The following LAMA3 variants were observed in gnomAD, a reference collection of about 807,000 sequenced individuals.
The protein encoded by LAMA3 is laminin subunit alpha-3.
Under a neutral mutation model 402.0 loss-of-function variants are expected in LAMA3, and 281 were observed. The ratio of observed to expected loss-of-function variants is 0.70; its 90% confidence interval spans 0.63 to 0.77. The LOEUF (loss-of-function observed/expected upper bound fraction) is 0.77. LAMA3 is among the 30% of genes least tolerant of loss of function. The pLI is 0.00. For synonymous variants in LAMA3, 1,431 were observed against 1,558.4 expected, an observed-to-expected ratio of 0.92 and a Z score of 1.93; for missense variants, 3,840 against 4,215.5, an observed-to-expected ratio of 0.91 and a Z score of 2.47.
At chr18:23,770,130 C>A (rs1465158285) in intron 8 of LAMA3, among the ~76,000 whole-genome samples, 2 of 152,078 alleles carry the variant, frequency 1.3e-5, no homozygotes, top group Non-Finnish European at 2.9e-5. Context: ...GAAAAATAGA[C>A]AATTCTATGA....
chr18:23,809,329 C>G (rs2063022243), intron 12 of LAMA3, among the ~76,000 whole-genome samples: 1 of 152,312 alleles, frequency 6.6e-6, no homozygotes, highest in East Asian at 1.9e-4. Context: ...ATGTGTCTGA[C>G]TCCAAAGACT....
intron 8 of LAMA3, among the ~76,000 whole-genome samples, chr18:23,771,295 G>A (rs763422223): frequency 1.3e-5 from 2 of 152,116 alleles, no homozygotes; most frequent in Admixed American, 6.5e-5. Context: ...AGTGAATGAC[G>A]ACTGAAAAAA....
chr18:23,909,661 A>G (rs1043959212), intron 55 of LAMA3, among the ~76,000 whole-genome samples: 3 of 152,210 alleles, frequency 2.0e-5, no homozygotes, highest in African/African-American at 4.8e-5. Context: ...CTCCTATTGT[A>G]ACTTGAAAGT....
intron 62 of LAMA3, among the ~76,000 whole-genome samples, chr18:23,925,000 G>C (rs1400260058): frequency 6.6e-6 from 1 of 152,204 alleles, no homozygotes; most frequent in Non-Finnish European, 1.5e-5. Flanking sequence ...TGAAGTCTTT[G>C]GTGGCCCAGA....
At position 23,753,722 on chromosome 18, in the gene LAMA3, A is replaced by G; in HGVS notation, c.857A>G (p.Tyr286Cys). 6.2e-7 allele frequency: 1 copy of G among 1,612,170 alleles called. No homozygotes were observed. Among genetic ancestry groups the G allele is most frequent in the Non-Finnish European group, 8.5e-7 (1 of 1,178,164 alleles). The change falls in exon 6 of 75, where the codon TAT (tyrosine) becomes TGT (cysteine). Residue 286 changes from tyrosine to cysteine, a missense_variant and splice_region_variant. By Grantham distance (194) the Tyr-to-Cys change is radical. Around this residue, in one of 3 missense-constraint regions of LAMA3, gnomAD observed 2,109 missense variants for 2,376.0 expected, o/e 0.89. Coordinates refer to ENST00000313654, the MANE Select transcript of LAMA3 (RefSeq NM_198129.4). ...CATGTTCTGTGTTCTGTTGTGCAGT[A>G]TTATTACAGCATAAAGGACATCAGC... Reference protein sequence around the residue: ...AQRDPTVTRRYYYSIKDISIG... With the variant: ...AQRDPTVTRRCYYSIKDISIG...
intron 62 of LAMA3, among the ~76,000 whole-genome samples, chr18:23,923,645 C>T (rs928481941): frequency 6.6e-6 from 1 of 152,174 alleles, no homozygotes; most frequent in African/African-American, 2.4e-5. Context: ...CACAAAATGG[C>T]CTGGGCCTCC....
chr18:23,949,941 T>A lies in LAMA3; in HGVS notation c.9511+17T>A, dbSNP rs763784750. ...TCGTCTTGGGTAAGGAGCAGTTCTA[T>A]AGAATTTAAGTCTTTGCATCTTAAG... On this transcript the variant is annotated intron_variant, in intron 71 of 74. Coordinates refer to ENST00000313654, the MANE Select transcript of LAMA3 (RefSeq NM_198129.4). 1.9e-6 allele frequency: 3 copies of A among 1,613,998 alleles called. No individual in the cohort carries two copies. Among genetic ancestry groups the A allele is most frequent in the Non-Finnish European group, 2.5e-6 (3 of 1,179,994 alleles).
At chr18:23,725,562 G>A (rs550818852) in intron 2 of LAMA3, among the ~76,000 whole-genome samples, 1 of 152,134 alleles carries the variant, frequency 6.6e-6, no homozygotes, top group African/African-American at 2.4e-5. Flanking sequence ...GAGGTCTGGG[G>A]CTCCCCATAA....
intron 65 of LAMA3, chr18:23,931,454 C>T (rs768028250): frequency 1.3e-5 from 6 of 450,794 alleles, no homozygotes; most frequent in Middle Eastern, 6.1e-4. Flanking sequence ...GCCAAGAGTT[C>T]GAGACCAGTC....
At chr18:23,727,925 G>A (rs889049667) in intron 2 of LAMA3, among the ~76,000 whole-genome samples, 1 of 151,624 alleles carries the variant, frequency 6.6e-6, no homozygotes, top group Non-Finnish European at 1.5e-5. Flanking sequence ...GTAGAGATAG[G>A]GTCTCACTAT....
chr18:23,949,977 T>C, intron 71 of LAMA3, 52 bp from the exon 72 acceptor site: 1 of 1,614,142 alleles, frequency 6.2e-7, no homozygotes, highest in Non-Finnish European at 8.5e-7. Context: ...AACTGTATCC[T>C]GTTTTCTTTC....
intron 3 of LAMA3, 97 bp downstream of exon 3, chr18:23,748,157 G>GCCACCACACCCA: frequency 3.5e-6 from 3 of 865,100 alleles, no homozygotes; most frequent in Non-Finnish European, 5.9e-6. Flanking sequence ...GGCTGGGTGT[G>GCCACCACACCCA]GTGGCTCACC....
intron 14 of LAMA3, among the ~76,000 whole-genome samples, chr18:23,813,625 C>T (rs533267642): frequency 3.8e-4 from 56 of 148,154 alleles, no homozygotes; most frequent in African/African-American, 1.4e-3. Context: ...CTCACTGCAA[C>T]CTCCGCCTCC....
chr18:23,904,213 G>A, intron 50 of LAMA3, 126 bp downstream of exon 50: 5 of 1,086,640 alleles, frequency 4.6e-6, no homozygotes, highest in Non-Finnish European at 7.0e-6. Flanking sequence ...GGAGGGTGGG[G>A]TCAAGGCCAA....
chr18:23,930,479 G>A (rs893066038), intron 64 of LAMA3, among the ~76,000 whole-genome samples: 13 of 152,068 alleles, frequency 8.5e-5, no homozygotes, highest in Non-Finnish European at 7.3e-5. Flanking sequence ...TGGGCATGAC[G>A]GCTCACACCT....
chr18:23,781,887 A>G (rs1013159672), intron 11 of LAMA3, among the ~76,000 whole-genome samples: 6 of 152,190 alleles, frequency 3.9e-5, no homozygotes, highest in African/African-American at 1.2e-4. Flanking sequence ...CATATTCTAA[A>G]TCCCTTCACT....
At chr18:23,764,788 T>C (rs1421934737) in intron 8 of LAMA3, among the ~76,000 whole-genome samples, 2 of 152,216 alleles carry the variant, frequency 1.3e-5, no homozygotes, top group Admixed American at 6.5e-5. Flanking sequence ...GTGTACATTT[T>C]AGCAGCATAA....
At chr18:23,706,679 A>G (rs1049689034) in intron 1 of LAMA3, among the ~76,000 whole-genome samples, 4 of 152,048 alleles carry the variant, frequency 2.6e-5, no homozygotes, top group African/African-American at 9.7e-5. Context: ...GATTGTTAGG[A>G]ATTTGGTATG....
intron 6 of LAMA3, among the ~76,000 whole-genome samples, chr18:23,755,320 G>A (rs1321857610): frequency 6.6e-6 from 1 of 152,176 alleles, no homozygotes; most frequent in Non-Finnish European, 1.5e-5. Context: ...TACACTGGGT[G>A]GTTAATTCTC....
Sources: gnomAD v4.1 joint callset for allele counts (sites outside exome capture counted in the v4.1 genomes callset) on GRCh38, gnomAD v4.1.1 for gene constraint, gnomAD v4.1.1 regional missense constraint, MANE v1.5 for transcripts, NCBI Gene and HGNC (gene_info 2026-07-23, HGNC 2026-07-21) for gene names.